Variants in TRABD2B observed in about 807,000 individuals in gnomAD.
The protein encoded by TRABD2B is metalloprotease TIKI2.
TRABD2B carries 14 observed loss-of-function variants against 40.1 expected under a neutral mutation model. The ratio of observed to expected loss-of-function variants is 0.35; its 90% confidence interval spans 0.23 to 0.55. TRABD2B has a LOEUF of 0.55. Among genes scored for constraint, TRABD2B ranks in the 20% least tolerant of loss-of-function variants. TRABD2B has a pLI of 0.90. For missense variants in TRABD2B, 541 were observed against 648.6 expected (o/e 0.83, Z 1.80); for synonymous variants, 263 against 277.0 (o/e 0.95, Z 0.50).
intron 6 of TRABD2B, 70 bp from the exon 7 acceptor site, chr1:47,766,176 A>G: frequency 1.5e-6 from 1 of 687,710 alleles, no homozygotes; most frequent in Non-Finnish European, 2.6e-6. Flanking sequence ...CTTGGGGCTC[A>G]GATCTGATTT....
intron 2 of TRABD2B, among the ~76,000 whole-genome samples, chr1:47,812,984 G>A (rs543960738): frequency 4.9e-4 from 75 of 152,212 alleles, no homozygotes; most frequent in Non-Finnish European, 7.9e-4. Context: ...CCCATGGAGG[G>A]ATAATGGTCT....
chr1:47,973,230 G>A (rs933178901), intron 2 of TRABD2B, among the ~76,000 whole-genome samples: 40 of 152,322 alleles, frequency 2.6e-4, no homozygotes, highest in African/African-American at 8.7e-4. Context: ...CACAGGGCCT[G>A]GGCCAGCAGG....
At chr1:47,791,169 C>T (rs568842913) in intron 4 of TRABD2B, among the ~76,000 whole-genome samples, 64 of 152,326 alleles carry the variant, frequency 4.2e-4, no homozygotes, top group African/African-American at 1.5e-3. Flanking sequence ...TGGGTCCTAA[C>T]AAGCACTGGA....
chr1:47,948,766 A>T (rs1645296415), intron 2 of TRABD2B, among the ~76,000 whole-genome samples: 1 of 152,146 alleles, frequency 6.6e-6, no homozygotes, highest in Non-Finnish European at 1.5e-5. Context: ...TTCCTCCTTC[A>T]AAATTTCAAG....
intron 2 of TRABD2B, among the ~76,000 whole-genome samples, chr1:47,901,558 T>A (rs1644599664): frequency 6.6e-6 from 1 of 152,094 alleles, no homozygotes; most frequent in Non-Finnish European, 1.5e-5. Context: ...AGCCTCCACC[T>A]CCCTGACTTA....
intron 2 of TRABD2B, among the ~76,000 whole-genome samples, chr1:47,910,768 CT>C (rs1644752704): frequency 6.6e-6 from 1 of 152,186 alleles, no homozygotes; most frequent in South Asian, 2.1e-4. Flanking sequence ...ATAGATTGCT[CT>C]TTTACCTGCA....
In TRABD2B at chr1:47,997,284, G is replaced by A. The variant is rs1570440011; in HGVS notation, c.-495C>T. ...CAGGGGTGGGGGGCGGCTCTGGGGC[G>A]ACCGGCTGCCCCCGAGCCCGGCTCA... On this transcript the variant is annotated 5_prime_UTR_variant, in exon 1 of 7. Transcript: ENST00000606738. 1.1e-6 allele frequency: 1 copy of A among 928,142 alleles called. No individual in the cohort carries two copies. Among genetic ancestry groups the A allele is most frequent in the Non-Finnish European group, 1.3e-6 (1 of 780,042 alleles). The allele number at this position is 928,142 out of a possible 1,614,324, so 57.5% of individuals were successfully genotyped here. A position where few individuals can be genotyped will look rare whatever the true frequency, so the allele number is the denominator to read the frequency against.
At chr1:47,809,425 C>G (rs1292464711) in intron 2 of TRABD2B, among the ~76,000 whole-genome samples, 2 of 152,166 alleles carry the variant, frequency 1.3e-5, no homozygotes, top group Non-Finnish European at 2.9e-5. Context: ...AGGACCCCCA[C>G]CCTGAGCAGC....
chr1:47,929,675 A>G (rs1286891199), intron 2 of TRABD2B, among the ~76,000 whole-genome samples: 2 of 152,150 alleles, frequency 1.3e-5, no homozygotes, highest in Non-Finnish European at 2.9e-5. Flanking sequence ...TTCACTTTGC[A>G]TGCTCAGAAC....
rs554875257 is a variant in TRABD2B, at chr1:47,937,809, C to A, written c.666+56225G>T. Among the ~76,000 whole-genome samples the A allele has an allele frequency of 6.6e-5, 10 of 152,280 alleles. No homozygotes were observed. In the South Asian group the frequency reaches 1.5e-3, roughly 22 times the overall value. On this transcript the variant is annotated intron_variant, in intron 2 of 6. Coordinates refer to ENST00000606738, the MANE Select transcript of TRABD2B (RefSeq NM_001194986.2). Reference sequence around the variant, plus strand: ...GATGCAAACTGTCCTTCAGCTCATACCACCTGCAGCCAAGGACAGAGGGGA... The same window carrying A: ...GATGCAAACTGTCCTTCAGCTCATAACACCTGCAGCCAAGGACAGAGGGGA...
chr1:47,761,592 A>G lies in TRABD2B; in HGVS notation c.*4310T>C, dbSNP rs1027377835. Reference sequence around the variant, plus strand: ...TTTGGCTGCTCAGATGAATTTCTGGAAAAATAACAATGTTCATAGAACTTG... The same window carrying G: ...TTTGGCTGCTCAGATGAATTTCTGGGAAAATAACAATGTTCATAGAACTTG... On this transcript the variant is annotated 3_prime_UTR_variant, in exon 7 of 7. Transcript: ENST00000606738. 1 of 152,138 alleles carries G rather than the reference A, an allele frequency of 6.6e-6. No individual in the cohort carries two copies. Among genetic ancestry groups the G allele is most frequent in the Non-Finnish European group, 1.5e-5 (1 of 68,032 alleles). The allele number at this position is 152,138 out of a possible 1,614,324, so 9.4% of individuals were successfully genotyped here. A position where few individuals can be genotyped will look rare whatever the true frequency, so the allele number is the denominator to read the frequency against.
intron 2 of TRABD2B, among the ~76,000 whole-genome samples, chr1:47,968,165 G>A (rs1304339369): frequency 6.6e-6 from 1 of 152,218 alleles, no homozygotes; most frequent in East Asian, 1.9e-4. Context: ...GATAAGAACT[G>A]TTCAAATTAG....
At chr1:47,836,850 C>T (rs1468452447) in intron 2 of TRABD2B, among the ~76,000 whole-genome samples, 6 of 152,194 alleles carry the variant, frequency 3.9e-5, no homozygotes, top group African/African-American at 1.4e-4. Flanking sequence ...AGGAAGCACA[C>T]CCTTACCAGA....
chr1:47,848,242 C>T (rs1260977118), intron 2 of TRABD2B, among the ~76,000 whole-genome samples: 5 of 152,198 alleles, frequency 3.3e-5, no homozygotes, highest in Admixed American at 2.6e-4. Flanking sequence ...GGGGGATACA[C>T]ATATTACCCC....
At chr1:47,831,215 T>C (rs1177546226) in intron 2 of TRABD2B, among the ~76,000 whole-genome samples, 1 of 152,060 alleles carries the variant, frequency 6.6e-6, no homozygotes, top group Non-Finnish European at 1.5e-5. Context: ...GACTGGCTTT[T>C]ACAGCACGTA....
At chr1:47,797,642 GGCTGGCCAGCC>G (rs370628022) in intron 3 of TRABD2B, among the ~76,000 whole-genome samples, 13 of 152,068 alleles carry the variant, frequency 8.5e-5, no homozygotes, top group African/African-American at 2.7e-4. Context: ...AGGCTCCAGG[GGCTGGCCAGCC>G]GCTGGCCAGC....
intron 2 of TRABD2B, among the ~76,000 whole-genome samples, chr1:47,926,010 CAAATGTTATAATCATTT>C (rs1478501956): frequency 1.3e-5 from 2 of 152,124 alleles, no homozygotes; most frequent in Non-Finnish European, 2.9e-5. Flanking sequence ...AAGTGTGATG[CAAATGTTATAATCATTT>C]AAATGTTATG....
intron 2 of TRABD2B, among the ~76,000 whole-genome samples, chr1:47,938,857 T>C (rs1165654103): frequency 6.6e-6 from 1 of 152,160 alleles, no homozygotes; most frequent in Non-Finnish European, 1.5e-5. Flanking sequence ...GATAGTTTCT[T>C]GGCAGGAGGA....
At chr1:47,910,678 G>A (rs747693678) in intron 2 of TRABD2B, among the ~76,000 whole-genome samples, 6 of 152,300 alleles carry the variant, frequency 3.9e-5, no homozygotes, top group Non-Finnish European at 8.8e-5. Context: ...TATGCTGTGC[G>A]TCCTGGGCCA....
Sources: allele counts gnomAD v4.1 joint callset (sites outside exome capture counted in the v4.1 genomes callset), GRCh38; gene constraint gnomAD v4.1.1; transcripts MANE v1.5; gene names NCBI Gene and HGNC (gene_info 2026-07-23, HGNC 2026-07-21).